The following PRSS23 variants were observed in gnomAD, a reference collection of about 807,000 sequenced individuals.
The protein encoded by PRSS23 is protease, serine 23.
PRSS23 carries 25 observed loss-of-function variants against 34.7 expected under a neutral mutation model. The ratio of observed to expected loss-of-function variants is 0.72; its 90% CI spans 0.53 to 1.01. The LOEUF is 1.01. Among genes scored for constraint, PRSS23 ranks in the 50% least tolerant of loss-of-function variants. The pLI, the probability that PRSS23 is intolerant of heterozygous loss-of-function variation, is 0.00. For synonymous variants in PRSS23, 176 were observed against 186.6 expected (o/e 0.94, Z 0.46); for missense variants, 445 against 475.6 (o/e 0.94, Z 0.60).
intron 2 of PRSS23, among the ~76,000 whole-genome samples, chr11:86,843,188 C>A (rs924505742): frequency 6.6e-6 from 1 of 152,006 alleles, no homozygotes; most frequent in Non-Finnish European, 1.5e-5. Context: ...CCCTATTTAA[C>A]AAATGGTGCT....
chr11:86,798,877 T>C (rs1176891001), upstream of PRSS23, among the ~76,000 whole-genome samples: 1 of 152,104 alleles, frequency 6.6e-6, no homozygotes, highest in Non-Finnish European at 1.5e-5. Flanking sequence ...GTATTTTTTA[T>C]AGAGATGGGG....
At chr11:86,856,541 G>C (rs1442927326) in intron 2 of PRSS23, among the ~76,000 whole-genome samples, 1 of 152,176 alleles carries the variant, frequency 6.6e-6, no homozygotes, top group Non-Finnish European at 1.5e-5. Flanking sequence ...CTGTGGAAAA[G>C]GATGTGAATT....
downstream of PRSS23, among the ~76,000 whole-genome samples, chr11:86,813,444 A>C (rs911979161): frequency 6.6e-6 from 1 of 152,154 alleles, no homozygotes; most frequent in African/African-American, 2.4e-5. Flanking sequence ...CTCATATAGA[A>C]ATTAAGGATT....
rs888267957 is a variant in PRSS23 at position 86,844,765 on chromosome 11, T to C, written c.206+21172T>C. 2.0e-5 allele frequency among the ~76,000 whole-genome samples: 3 copies of C among 152,182 alleles called. No individual in the cohort carries two copies. In the South Asian group the frequency reaches 6.2e-4, roughly 32 times the overall value. On this transcript the variant is annotated intron_variant, in intron 2 of 2. Coordinates refer to the PRSS23 transcript ENST00000533902. ...CATCTCTAGTTCTATGGCATGTTGC[T>C]GGAAGGGATGAAAGAACAGGCAGCA... is the stretch of plus-strand genomic sequence containing the variant.
chr11:86,938,339 C>G (rs978072875), intron 2 of PRSS23, among the ~76,000 whole-genome samples: 2 of 152,088 alleles, frequency 1.3e-5, no homozygotes, highest in Non-Finnish European at 2.9e-5. Flanking sequence ...TTGGATCATG[C>G]GAGGCTCCCA....
chr11:86,946,350 G>A (rs1186502607), intron 2 of PRSS23: 1 of 152,154 alleles, frequency 6.6e-6, no homozygotes, highest in African/African-American at 2.4e-5. Context: ...AGAGCAAGGA[G>A]GTTTAAAAGC....
At chr11:86,861,409 C>G (rs1006100348) in intron 2 of PRSS23, among the ~76,000 whole-genome samples, 2 of 152,030 alleles carry the variant, frequency 1.3e-5, no homozygotes, top group Non-Finnish European at 2.9e-5. Flanking sequence ...GATGATATTA[C>G]TCCCCATATC....
intron 2 of PRSS23, among the ~76,000 whole-genome samples, chr11:86,834,234 T>C (rs1297167107): frequency 1.3e-5 from 2 of 152,186 alleles, no homozygotes; most frequent in African/African-American, 4.8e-5. Flanking sequence ...GTGCTATCAA[T>C]GCCTAAGTGA....
At position 86,841,198 on chromosome 11, in the gene PRSS23, G is replaced by A. The variant is rs528267663; in HGVS notation, c.206+17605G>A. 4.3e-4 allele frequency among the ~76,000 whole-genome samples: 65 copies of A among 152,088 alleles called. No individual in the cohort carries two copies. The South Asian group carries it at 0.012, about 29-fold the overall frequency. On this transcript the variant is annotated intron_variant, in intron 2 of 2. Coordinates refer to the PRSS23 transcript ENST00000533902. The stretch of plus-strand genomic sequence containing the variant: ...CTACTAAAAATACAAAATTAGCCTG[G>A]TGTGGTGGCACATGCCTGCAATCCC...
At chr11:86,887,347 T>TGAAATGG (rs1201835809) in intron 2 of PRSS23, among the ~76,000 whole-genome samples, 1 of 144,808 alleles carries the variant, frequency 6.9e-6, no homozygotes, top group Non-Finnish European at 1.5e-5. Context: ...GCCCAAGATG[T>TGAAATGG]GAAATGGGAA....
chr11:86,950,782 A>G (rs1217003544), intron 2 of PRSS23: 1 of 324,320 alleles, frequency 3.1e-6, no homozygotes, highest in Non-Finnish European at 5.8e-6. Context: ...GCTAGTTACC[A>G]ACTCACAGCT....
chr11:86,873,250 A>ATATGTGTG (rs1948698347), intron 2 of PRSS23, among the ~76,000 whole-genome samples: 1 of 111,760 alleles, frequency 8.9e-6, no homozygotes, highest in African/African-American at 4.5e-5. Context: ...ACACACACAT[A>ATATGTGTG]TATATGTATA....
intron 2 of PRSS23, among the ~76,000 whole-genome samples, chr11:86,861,634 A>C (rs187140931): frequency 4.0e-5 from 6 of 150,908 alleles, no homozygotes; most frequent in African/African-American, 1.5e-4. Flanking sequence ...GGATGATATT[A>C]CTCTTCATAT....
chr11:86,882,914 ATC>A (rs2134963057), intron 2 of PRSS23, among the ~76,000 whole-genome samples: 2 of 152,174 alleles, frequency 1.3e-5, no homozygotes, highest in African/African-American at 4.8e-5. Flanking sequence ...GTGAGATGGT[ATC>A]TCATTGTGGT....
At chr11:86,941,373 G>A (rs1040680463) in intron 2 of PRSS23, among the ~76,000 whole-genome samples, 15 of 152,318 alleles carry the variant, frequency 9.8e-5, no homozygotes, top group Non-Finnish European at 1.8e-4. Flanking sequence ...GGCACGTAGT[G>A]TGCTGCAGCG....
chr11:86,935,634 C>T (rs1455066986), intron 2 of PRSS23: 1 of 152,016 alleles, frequency 6.6e-6, no homozygotes, highest in East Asian at 1.9e-4. Context: ...TTGTAATTAC[C>T]CCAACTGTTG....
intron 1 of PRSS23, among the ~76,000 whole-genome samples, chr11:86,817,845 A>T (rs1051131519): frequency 6.6e-6 from 1 of 152,222 alleles, no homozygotes; most frequent in Non-Finnish European, 1.5e-5. Context: ...TTGATTTTGT[A>T]TCCATGTCAG....
At position 86,939,426 on chromosome 11, in the gene PRSS23, A is replaced by ATATATATATTTTTT; in HGVS notation, c.207-11789_207-11788insATATATATTTTTTT. On this transcript the variant is annotated intron_variant, in intron 2 of 2. Coordinates refer to the PRSS23 transcript ENST00000533902. Reference sequence around the variant, plus strand: ...AAAATATATATATATATATATATATATTTTTTAACATGAGTAAAAATTGCA... The same window carrying ATATATATATTTTTT: ...AAAATATATATATATATATATATATATATATATATTTTTTTTTTTTAACATGAGTAAAAATTGCA... Among the ~76,000 whole-genome samples the ATATATATATTTTTT allele has an allele frequency of 4.6e-3, 433 of 93,686 alleles. 7 individuals carry two copies. The highest frequency in any genetic ancestry group is 6.6e-3 in the Admixed American group (50 of 7,556). The allele number at this position is 93,686 out of a possible 152,430, so 61.5% of individuals were successfully genotyped here.
chr11:86,826,011 G>C (rs1018105223), intron 2 of PRSS23, among the ~76,000 whole-genome samples: 6 of 152,112 alleles, frequency 3.9e-5, no homozygotes, highest in African/African-American at 1.2e-4. Context: ...TTCCAATTCT[G>C]TGAAGAAAGT....
Sources: gnomAD v4.1 joint callset for allele counts (sites outside exome capture counted in the v4.1 genomes callset) on GRCh38, gnomAD v4.1.1 for gene constraint, MANE v1.5 for transcripts, NCBI Gene and HGNC (gene_info 2026-07-23, HGNC 2026-07-21) for gene names.